Variants in RIT2 observed in about 807,000 individuals in gnomAD.
RIT2 encodes GTP-binding protein Rit2.
RIT2 carries 24 observed loss-of-function variants against 23.7 expected under a neutral mutation model. The observed-to-expected ratio is 1.01, with a 90% CI of 0.73 to 1.43. The LOEUF (loss-of-function observed/expected upper bound fraction) is 1.43. Among genes scored for constraint, RIT2 ranks in the 40% most tolerant of loss-of-function variants. The pLI is 0.00. For missense variants in RIT2, 236 were observed against 266.9 expected (o/e 0.88, Z 0.81); for synonymous variants, 107 against 91.1 (o/e 1.17, Z -0.99).
At chr18:42,745,808 T>TAAGAATTTTCCC (rs969850021) in intron 4 of RIT2, among the ~76,000 whole-genome samples, 2 of 152,174 alleles carry the variant, frequency 1.3e-5, no homozygotes, top group Non-Finnish European at 2.9e-5. Flanking sequence ...TATTTTTCAG[T>TAAGAATTTTCCC]CACCTGTAAG....
At chr18:42,842,232 C>G (rs770867071) in intron 4 of RIT2, among the ~76,000 whole-genome samples, 1 of 152,162 alleles carries the variant, frequency 6.6e-6, no homozygotes, top group Non-Finnish European at 1.5e-5. Flanking sequence ...ATTTATATAT[C>G]ACTCACAATT....
chr18:42,813,078 A>G (rs2143979691), intron 4 of RIT2, among the ~76,000 whole-genome samples: 1 of 152,328 alleles, frequency 6.6e-6, no homozygotes, highest in African/African-American at 2.4e-5. Context: ...TGGCAAAAGA[A>G]AGTATAGAAG....
chr18:42,841,175 C>T lies in RIT2; in HGVS notation c.426+82397G>A, dbSNP rs552442508. Among the ~76,000 whole-genome samples the T allele has an allele frequency of 3.3e-5, 5 of 152,228 alleles. No homozygotes were observed. In the South Asian group the frequency reaches 1.0e-3, roughly 32 times the overall value. ...TCATTAAATGCTTTTATGAAAACCTCATCTTAAAAAACGCAAACAGGCATG... is the reference window on the plus strand; with the variant it reads ...TCATTAAATGCTTTTATGAAAACCTTATCTTAAAAAACGCAAACAGGCATG... On this transcript the variant is annotated intron_variant, in intron 4 of 4. Coordinates refer to ENST00000326695, the MANE Select transcript of RIT2 (RefSeq NM_002930.4).
chr18:42,925,200 G>A lies in RIT2; in HGVS notation c.235-1437C>T, dbSNP rs537867124. On this transcript the variant is annotated intron_variant, in intron 3 of 4. Coordinates refer to ENST00000326695, the MANE Select transcript of RIT2 (RefSeq NM_002930.4). ...GTGAGTGAAATGTACTAATATGGGAGAAAAAATATTCTATTGGATCCATGT... is the reference window on the plus strand; with the variant it reads ...GTGAGTGAAATGTACTAATATGGGAAAAAAAATATTCTATTGGATCCATGT... Among the ~76,000 whole-genome samples the A allele has an allele frequency of 1.1e-4, 16 of 152,014 alleles. No individual in the cohort carries two copies. In the South Asian group the frequency reaches 3.1e-3, roughly 30 times the overall value.
intron 1 of RIT2, among the ~76,000 whole-genome samples, chr18:43,109,775 C>T (rs534671553): frequency 3.3e-5 from 5 of 152,216 alleles, no homozygotes; most frequent in African/African-American, 1.2e-4. Flanking sequence ...AATAACACTC[C>T]CTCCCTGCTC....
intron 3 of RIT2, among the ~76,000 whole-genome samples, chr18:42,937,241 C>T (rs1474086938): frequency 1.3e-5 from 2 of 152,140 alleles, no homozygotes; most frequent in Non-Finnish European, 1.5e-5. Context: ...AAAGGCAATA[C>T]TAGCTATATT....
intron 1 of RIT2, among the ~76,000 whole-genome samples, chr18:43,077,425 A>G (rs1598773608): frequency 6.6e-6 from 1 of 151,180 alleles, no homozygotes; most frequent in Non-Finnish European, 1.5e-5. Context: ...TTTCTTGAAC[A>G]TTTTTTTTTG....
chr18:42,814,979 A>G (rs1458927136), intron 4 of RIT2, among the ~76,000 whole-genome samples: 2 of 152,162 alleles, frequency 1.3e-5, no homozygotes, highest in African/African-American at 4.8e-5. Flanking sequence ...TGGGGACAGT[A>G]GTACATCAGG....
At chr18:42,891,725 T>A (rs568667603) in intron 4 of RIT2, among the ~76,000 whole-genome samples, 20 of 152,232 alleles carry the variant, frequency 1.3e-4, no homozygotes, top group African/African-American at 4.8e-4. Context: ...GTGCCGTGGT[T>A]GCTAGGGGTA....
intron 1 of RIT2, among the ~76,000 whole-genome samples, chr18:43,089,612 G>A (rs560216309): frequency 2.6e-5 from 4 of 151,818 alleles, no homozygotes; most frequent in African/African-American, 7.2e-5. Flanking sequence ...TAAAGCTGGA[G>A]GTGTCATGCT....
chr18:42,868,961 T>G (rs1907545070), intron 4 of RIT2, among the ~76,000 whole-genome samples: 1 of 152,228 alleles, frequency 6.6e-6, no homozygotes, highest in Non-Finnish European at 1.5e-5. Flanking sequence ...CTTTCACTTC[T>G]GTACTAGACA....
In RIT2 at chr18:43,067,834, C is replaced by T. The variant is rs370905358; in HGVS notation, c.104-33967G>A. Among the ~76,000 whole-genome samples, 13 of 152,108 alleles carry T rather than the reference C, an allele frequency of 8.5e-5. No individual in the cohort carries two copies. In the East Asian group the frequency reaches 1.9e-3, roughly 23 times the overall value. Reference sequence around the variant, plus strand: ...CCCCTTGTTACTCTCATGACCGGAACCAATCTTTCAGGTTAACTTTGGGGT... The same window carrying T: ...CCCCTTGTTACTCTCATGACCGGAATCAATCTTTCAGGTTAACTTTGGGGT... On this transcript the variant is annotated intron_variant, in intron 1 of 4. Coordinates refer to ENST00000326695, the MANE Select transcript of RIT2 (RefSeq NM_002930.4).
At chr18:42,986,463 A>G (rs988604771) in intron 2 of RIT2, among the ~76,000 whole-genome samples, 63 of 152,024 alleles carry the variant, frequency 4.1e-4, no homozygotes, top group African/African-American at 1.5e-3. Flanking sequence ...TGGTTTGTTA[A>G]TAGTAGCAGA....
chr18:42,990,917 T>TG (rs1341733919), intron 2 of RIT2, among the ~76,000 whole-genome samples: 113 of 149,938 alleles, frequency 7.5e-4, no homozygotes, highest in Non-Finnish European at 1.4e-3. Flanking sequence ...GTTTTGTTTT[T>TG]TTTTTTTTTT....
intron 4 of RIT2, among the ~76,000 whole-genome samples, chr18:42,777,445 A>G (rs1246037781): frequency 6.6e-6 from 1 of 152,158 alleles, no homozygotes; most frequent in South Asian, 2.1e-4. Flanking sequence ...AGAGGAACCA[A>G]CAAAGAAGAC....
At chr18:42,904,546 G>T (rs912130779) in intron 4 of RIT2, among the ~76,000 whole-genome samples, 28 of 152,136 alleles carry the variant, frequency 1.8e-4, no homozygotes, top group African/African-American at 6.5e-4. Flanking sequence ...GTATTTTATA[G>T]TTTAACAATG....
At chr18:43,051,926 C>T (rs1445702968) in intron 1 of RIT2, among the ~76,000 whole-genome samples, 1 of 152,032 alleles carries the variant, frequency 6.6e-6, no homozygotes, top group East Asian at 1.9e-4. Context: ...TTTTCCACTC[C>T]CTATCTCTCT....
intron 1 of RIT2, among the ~76,000 whole-genome samples, chr18:43,044,532 T>A (rs766806915): frequency 1.4e-4 from 21 of 152,220 alleles, no homozygotes; most frequent in Non-Finnish European, 2.2e-4. Flanking sequence ...ACCAATTATT[T>A]TCTTAGAACA....
chr18:42,966,577 T>C (rs1359520208), intron 3 of RIT2, among the ~76,000 whole-genome samples: 1 of 152,178 alleles, frequency 6.6e-6, no homozygotes, highest in Non-Finnish European at 1.5e-5. Context: ...ATAAAAACAT[T>C]CACTATGAGA....
Sources: gnomAD v4.1 joint callset for allele counts (sites outside exome capture counted in the v4.1 genomes callset) on GRCh38, gnomAD v4.1.1 for gene constraint, MANE v1.5 for transcripts, NCBI Gene and HGNC (gene_info 2026-07-23, HGNC 2026-07-21) for gene names.